The following TRPV3 variants were observed in gnomAD, a reference collection of about 807,000 sequenced individuals.
TRPV3 encodes transient receptor potential cation channel subfamily V member 3.
A neutral mutation model predicts 87.1 loss-of-function variants in TRPV3; 88 were observed. The observed-to-expected ratio is 1.01, with a 90% CI of 0.85 to 1.21. TRPV3 has a LOEUF of 1.21. TRPV3 is among the 50% of genes most tolerant of loss of function. TRPV3 has a pLI of 0.00. For missense variants in TRPV3, 1,054 were observed against 1,030.1 expected (o/e 1.02, Z -0.32); for synonymous variants, 438 against 423.3 (o/e 1.03, Z -0.43).
At chr17:3,535,441 T>G in intron 7 of TRPV3, 132 bp downstream of exon 7, 1 of 287,772 alleles carries the variant, frequency 3.5e-6, no homozygotes, top group Non-Finnish European at 4.9e-6. Context: ...TCCCTCTCCC[T>G]CCTCACTTCC....
At position 3,516,450 on chromosome 17, in the gene TRPV3, T is replaced by C. The variant is rs2074184103; in HGVS notation, c.2198+7A>G. The C allele has an allele frequency of 1.2e-6, 2 of 1,613,300 alleles. No individual in the cohort carries two copies. The highest frequency in any genetic ancestry group is 1.3e-5 in the African/African-American group (1 of 75,002). On this transcript the variant is annotated splice_region_variant and intron_variant, in intron 16 of 17. Transcript: ENST00000576742. Reference sequence around the variant, plus strand: ...CCACCACCCCAGGGCCCTTCTCCCTTTGTTACCGCAAACACAGTCGGAAAT... The same window carrying C: ...CCACCACCCCAGGGCCCTTCTCCCTCTGTTACCGCAAACACAGTCGGAAAT...
intron 14 of TRPV3, among the ~76,000 whole-genome samples, chr17:3,519,510 TTAGA>T (rs1567630546): frequency 7.1e-5 from 5 of 70,240 alleles, no homozygotes; most frequent in African/African-American, 3.0e-4. Flanking sequence ...GGATGGGTGA[TTAGA>T]TGGATGGATG....
At chr17:3,527,153 T>C (rs1200029359) in intron 11 of TRPV3, among the ~76,000 whole-genome samples, 2 of 152,060 alleles carry the variant, frequency 1.3e-5, no homozygotes, top group African/African-American at 4.8e-5. Context: ...CCTCACTCCT[T>C]ACCCCATCCT....
In TRPV3 at chr17:3,518,472, C is replaced by T; in HGVS notation, c.2085+104G>A. 6 of 1,356,712 alleles carry T rather than the reference C, an allele frequency of 4.4e-6. No homozygotes were observed. The highest frequency in any genetic ancestry group is 5.9e-6 in the Non-Finnish European group (6 of 1,014,946). The allele number at this position is 1,356,712 out of a possible 1,614,324, so 84.0% of individuals were successfully genotyped here. A position where few individuals can be genotyped will look rare whatever the true frequency, so the allele number is the denominator to read the frequency against. ...ACACACTGAGGAGCTTGTGCAGATT[C>T]TCAGGCCCCACCTCAGACCCACTGG... On this transcript the variant is annotated intron_variant, in intron 15 of 17. Transcript: ENST00000576742. This position sits in a 1 kb window ranked among gnomAD's most constrained non-coding sequence, Gnocchi z 4.3.
intron 11 of TRPV3, 152 bp downstream of exon 11, chr17:3,527,873 A>C (rs1047780163): frequency 3.1e-6 from 2 of 642,952 alleles, no homozygotes; most frequent in East Asian, 5.5e-5. Flanking sequence ...AGCCTTATCC[A>C]TTTTTTCCCA....
rs949691746 is a variant in TRPV3 at position 3,557,500 on chromosome 17, G to A, written c.-3+176C>T. ...TCCCTACAGCCAAGAGTGCAGCCAA[G>A]AGTGCCTCCCTACAGCCAAGAGTGG... On this transcript the variant is annotated intron_variant, in intron 1 of 17. Coordinates refer to ENST00000576742, the MANE Select transcript of TRPV3 (RefSeq NM_145068.4). This position sits in a 1 kb window ranked among gnomAD's most constrained non-coding sequence, Gnocchi z 4.5. Among the ~76,000 whole-genome samples the A allele has an allele frequency of 2.6e-5, 4 of 152,186 alleles. No individual in the cohort carries two copies. The highest frequency in any genetic ancestry group is 5.9e-5 in the Non-Finnish European group (4 of 68,026).
chr17:3,547,294 G>A (rs1411299970), intron 2 of TRPV3, among the ~76,000 whole-genome samples: 2 of 152,244 alleles, frequency 1.3e-5, no homozygotes, highest in Non-Finnish European at 2.9e-5. Flanking sequence ...ATCAGCACTT[G>A]TGCTGTTTGT....
chr17:3,555,199 G>A (rs112488930), intron 1 of TRPV3, among the ~76,000 whole-genome samples: 1,711 of 150,474 alleles, frequency 0.011, 31 homozygotes, highest in African/African-American at 0.037. Context: ...AGGGTGTCCC[G>A]GTAGAGACCA....
intron 15 of TRPV3, among the ~76,000 whole-genome samples, chr17:3,517,372 C>T (rs972544323): frequency 2.0e-5 from 3 of 151,968 alleles, no homozygotes; most frequent in Non-Finnish European, 2.9e-5. Flanking sequence ...AATCCCAGCA[C>T]TTTGGGAGGC....
At chr17:3,526,767 A>G in intron 12 of TRPV3, 87 bp downstream of exon 12, 1 of 1,066,006 alleles carries the variant, frequency 9.4e-7, no homozygotes. Context: ...ACAGTAGGAT[A>G]TTTGTTCAAG....
At chr17:3,520,886 G>T in intron 14 of TRPV3, 87 bp downstream of exon 14, 2 of 818,014 alleles carry the variant, frequency 2.4e-6, no homozygotes, top group Non-Finnish European at 3.9e-6. Flanking sequence ...TCTAATTGTT[G>T]CCAAGGCCGC....
At position 3,535,556 on chromosome 17, in the gene TRPV3, G is replaced by A. The variant is rs778182642; in HGVS notation, c.784+17C>T. ...TCCCTCCTCCCAGACTCCGCACCGG[G>A]CGGGGGCGGCACCCACCGAAGTAGA... On this transcript the variant is annotated intron_variant, in intron 7 of 17. Transcript: ENST00000576742. The A allele has an allele frequency of 1.9e-6, 3 of 1,571,138 alleles. No individual in the cohort carries two copies. Among genetic ancestry groups the A allele is most frequent in the East Asian group, 2.4e-5 (1 of 41,372 alleles).
intron 13 of TRPV3, among the ~76,000 whole-genome samples, chr17:3,522,019 T>C (rs1435691832): frequency 1.3e-5 from 2 of 152,160 alleles, no homozygotes; most frequent in Non-Finnish European, 2.9e-5. Context: ...GGGGTTGCAG[T>C]GAGCCTAGAT....
At chr17:3,537,702 G>A (rs1233002948) in intron 6 of TRPV3, among the ~76,000 whole-genome samples, 1 of 151,670 alleles carries the variant, frequency 6.6e-6, no homozygotes, top group Non-Finnish European at 1.5e-5. Context: ...TCAGGAGTTC[G>A]AGACCAGCCT....
intron 14 of TRPV3, among the ~76,000 whole-genome samples, chr17:3,519,974 T>TGGA (rs2074231760): frequency 2.6e-5 from 3 of 116,944 alleles, no homozygotes; most frequent in South Asian, 5.4e-4. Flanking sequence ...GGATGAATGA[T>TGGA]TGGATGGATG....
At chr17:3,537,891 TTA>T (rs376663937) in intron 6 of TRPV3, among the ~76,000 whole-genome samples, 29,562 of 69,504 alleles carry the variant, frequency 0.43, 3,986 homozygotes, top group East Asian at 0.54. Context: ...CTCTGTCTTT[TTA>T]AAAAAAAAAA....
In TRPV3 at chr17:3,524,199, T is replaced by G; in HGVS notation, c.1742A>C (p.Lys581Thr). The change falls in exon 13 of 18, where the codon AAG (lysine) becomes ACG (threonine). Residue 581 changes from lysine to threonine, a missense_variant and splice_region_variant. Coordinates refer to ENST00000576742, the MANE Select transcript of TRPV3 (RefSeq NM_145068.4). ...SMGMYSVMIQ[K>T]VILHDVLKFL... ...CCGCCGGCGCAGCTCTCAACGCACC[T>G]TCTGGATCATGACGCTGTACATGCC... 1 of 1,613,904 alleles carries G rather than the reference T, an allele frequency of 6.2e-7. No individual in the cohort carries two copies. Among genetic ancestry groups the G allele is most frequent in the East Asian group, 2.2e-5 (1 of 44,872 alleles).
At position 3,530,109 on chromosome 17, in the gene TRPV3, G is replaced by T. The variant is rs762109519; in HGVS notation, c.1160C>A (p.Ser387Tyr). 6.2e-7 allele frequency: 1 copy of T among 1,614,164 alleles called. No individual in the cohort carries two copies. The highest frequency in any genetic ancestry group is 8.5e-7 in the Non-Finnish European group (1 of 1,180,022). ...FTDWAYGPVS[S>Y]SLYDLTNVDT... is the part of the protein sequence containing the mutation. ...CACGTTGGTGAGGTCGTAGAGGGAG[G>T]ATGACACGGGTCCGTACGCCCAGTC... The change falls in exon 9 of 18, where the codon TCC becomes TAC. Residue 387 changes from serine (S) to tyrosine (Y), a missense_variant. Physicochemically the swap from Ser to Tyr is moderately radical, Grantham distance 144. Coordinates refer to ENST00000576742, the MANE Select transcript of TRPV3 (RefSeq NM_145068.4). This position sits in a 1 kb window ranked among gnomAD's most constrained non-coding sequence, Gnocchi z 4.0.
rs1297982687 is a variant in TRPV3, at chr17:3,513,840, A to C, written c.*77T>G. On this transcript the variant is annotated 3_prime_UTR_variant, in exon 18 of 18. Coordinates refer to ENST00000576742, the MANE Select transcript of TRPV3 (RefSeq NM_145068.4). ...AGAGCCGGACTCCACCATCCCTCAA[A>C]GCCTCTCTGCACAGAGTCGGTGACT... 1 of 1,280,128 alleles carries C rather than the reference A, an allele frequency of 7.8e-7. No homozygotes were observed. The highest frequency in any genetic ancestry group is 2.3e-5 in the East Asian group (1 of 42,628). 79.3% of individuals were successfully genotyped at this position (1,280,128 alleles called of 1,614,324 possible). A position where few individuals can be genotyped will look rare whatever the true frequency, so the allele number is the denominator to read the frequency against.
Sources: gnomAD v4.1 joint callset for allele counts (sites outside exome capture counted in the v4.1 genomes callset) on GRCh38, gnomAD v4.1.1 for gene constraint, Gnocchi (gnomAD v3.1) non-coding constraint, MANE v1.5 for transcripts, NCBI Gene and HGNC (gene_info 2026-07-23, HGNC 2026-07-21) for gene names.